The following CXXC4 variants were observed in gnomAD, a reference collection of about 807,000 sequenced individuals.
The protein encoded by CXXC4 is CXXC finger protein 4, also known as CXXC-type zinc finger protein 4.
Under a neutral mutation model 20.5 loss-of-function variants are expected in CXXC4, and 5 were observed. The observed-to-expected ratio is 0.24, with a 90% CI of 0.13 to 0.51. The LOEUF is 0.51. Ranked by LOEUF, CXXC4 falls within the 20% of genes least tolerant of loss-of-function variation. The pLI is 0.97. For missense variants in CXXC4, 419 were observed against 496.4 expected (o/e 0.84, Z 1.48); for synonymous variants, 250 against 216.4 (o/e 1.16, Z -1.36).
Position 104,468,421 on chromosome 4 carries a change from A to C in CXXC4, c.*3901T>G, listed in dbSNP as rs1440196975. 4.1e-5 allele frequency: 6 copies of C among 147,320 alleles called. No homozygotes were observed. In the Admixed American group the frequency reaches 4.1e-4, roughly 10 times the overall value. 9.1% of individuals were successfully genotyped at this position (147,320 alleles called of 1,614,324 possible). ...TTTTTTTTTTTTTACAGTTTTGTAC[A>C]TGCCCCATAAGTAATTTTCTTTAAT... On this transcript the variant is annotated 3_prime_UTR_variant, in exon 3 of 3. Coordinates refer to ENST00000394767, the MANE Select transcript of CXXC4 (RefSeq NM_025212.4).
chr4:104,486,098 G>C (rs1433346272), intron 2 of CXXC4, among the ~76,000 whole-genome samples: 1 of 152,034 alleles, frequency 6.6e-6, no homozygotes, highest in African/African-American at 2.4e-5. Context: ...ATTTACAAAT[G>C]AATTTTAATT....
rs968863958 is a variant in CXXC4, at chr4:104,491,393, G to T, written c.410C>A (p.Ser137Tyr). The change falls in exon 2 of 3, where the codon TCC (serine) becomes TAC (tyrosine). Residue 137 changes from serine to tyrosine, a missense_variant. By Grantham distance (144) the Ser-to-Tyr change is moderately radical (BLOSUM62 -2). This residue lies in a region of CXXC4 where 388 missense variants were observed against 416.0 expected (regional missense o/e 0.93). Coordinates refer to ENST00000394767, the MANE Select transcript of CXXC4 (RefSeq NM_025212.4). ...GGAGGAGGAGGCGGCGGCGGAGGAG[G>T]ATTTCCTGCCGCCCCCACCACCCCC... is the stretch of plus-strand genomic sequence containing the variant. ...GGGGGGGGRK[S>Y]SSAAASSSAS... 1.1e-5 allele frequency: 14 copies of T among 1,264,130 alleles called. No individual in the cohort carries two copies. The highest frequency in any genetic ancestry group is 1.2e-5 in the Non-Finnish European group (12 of 993,906). 78.3% of individuals were successfully genotyped at this position (1,264,130 alleles called of 1,614,324 possible).
chr4:104,472,415 T>C (rs1175318193), intron 2 of CXXC4, 49 bp from the exon 3 acceptor site: 2 of 1,411,162 alleles, frequency 1.4e-6, no homozygotes, highest in Non-Finnish European at 2.0e-6. Flanking sequence ...TCTATGCCAA[T>C]ATAAAATTAG....
At chr4:104,487,252 A>G (rs1471090357) in intron 2 of CXXC4, among the ~76,000 whole-genome samples, 1 of 152,170 alleles carries the variant, frequency 6.6e-6, no homozygotes, top group African/African-American at 2.4e-5. Context: ...GAGAGCCAAG[A>G]GTGGGGGAAG....
rs1736882037 is a variant in CXXC4, at chr4:104,491,629, T to C, written c.174A>G (p.Pro58=). The C allele has an allele frequency of 1.9e-6, 3 of 1,541,514 alleles. No individual in the cohort carries two copies. The highest frequency in any genetic ancestry group is 2.6e-6 in the Non-Finnish European group (3 of 1,143,206). ...TGATGCGCGCGATCTTGGCCGCCTG[T>C]GGGAAGGCGCCCCCGTTGGTCTTGT... ...SFYKTNGGAF[P]QAAKIARITT... The change falls in exon 2 of 3, where the codon CCA becomes CCG. Residue 58 remains proline, a synonymous_variant. Coordinates refer to ENST00000394767, the MANE Select transcript of CXXC4 (RefSeq NM_025212.4).
chr4:104,483,903 TG>T (rs910770882), intron 2 of CXXC4, among the ~76,000 whole-genome samples: 4 of 152,140 alleles, frequency 2.6e-5, no homozygotes, highest in African/African-American at 7.2e-5. Flanking sequence ...CTGACTTCAC[TG>T]GGTAATATGC....
intron 2 of CXXC4, among the ~76,000 whole-genome samples, chr4:104,483,620 TG>T (rs1456354549): frequency 3.3e-5 from 5 of 151,974 alleles, no homozygotes; most frequent in Non-Finnish European, 7.4e-5. Flanking sequence ...TTTCCAAATT[TG>T]TTAAATATGT....
At chr4:104,479,379 C>T (rs1224301989) in intron 2 of CXXC4, among the ~76,000 whole-genome samples, 1 of 152,042 alleles carries the variant, frequency 6.6e-6, no homozygotes, top group Admixed American at 6.6e-5. Flanking sequence ...ATCAATATGG[C>T]ATATCTCTTT....
At chr4:104,483,328 T>G (rs1397231379) in intron 2 of CXXC4, among the ~76,000 whole-genome samples, 1 of 152,026 alleles carries the variant, frequency 6.6e-6, no homozygotes, top group East Asian at 1.9e-4. Flanking sequence ...GTCAAAGTTC[T>G]TTCTATACAC....
At position 104,470,465 on chromosome 4, in the gene CXXC4, T is replaced by C. The variant is rs1342027319; in HGVS notation, c.*1857A>G. 1 of 152,152 alleles carries C rather than the reference T, an allele frequency of 6.6e-6. No homozygotes were observed. The highest frequency in any genetic ancestry group is 1.9e-4 in the East Asian group (1 of 5,172). 9.4% of individuals were successfully genotyped at this position (152,152 alleles called of 1,614,324 possible). ...CAAATTGGCATGTGTGCATGCTTTG[T>C]CCACCCTCCCCCAGTACTTTCACCA... On this transcript the variant is annotated 3_prime_UTR_variant, in exon 3 of 3. Transcript: ENST00000394767.
Position 104,483,713 on chromosome 4 carries a change from C to T in CXXC4, c.1059+7031G>A, listed in dbSNP as rs149322142. Among the ~76,000 whole-genome samples the T allele has an allele frequency of 2.5e-3, 382 of 151,862 alleles. 2 individuals carry two copies. The highest frequency in any genetic ancestry group is 8.8e-3 in the African/African-American group (367 of 41,492). The stretch of plus-strand genomic sequence containing the variant: ...AATTATTCTCTTGACCTCACAAATT[C>T]ACATTTAGAATATCTCTGTGTCTTG... On this transcript the variant is annotated intron_variant, in intron 2 of 2. Coordinates refer to ENST00000394767, the MANE Select transcript of CXXC4 (RefSeq NM_025212.4).
At chr4:104,475,669 A>G (rs1402244900) in intron 2 of CXXC4, among the ~76,000 whole-genome samples, 3 of 152,134 alleles carry the variant, frequency 2.0e-5, no homozygotes, top group Non-Finnish European at 4.4e-5. Flanking sequence ...CAGCACACCA[A>G]TGTGCGGGAT....
rs1165118148 is a variant in CXXC4 at position 104,482,023 on chromosome 4, T to TA, written c.1059+8720dup. ...TTTGACTGCAACTAAAAGTTATAAA[T>TA]ACATTTTACACAGCAACTCAGCACA... is the stretch of plus-strand genomic sequence containing the variant. On this transcript the variant is annotated intron_variant, in intron 2 of 2. Transcript: ENST00000394767. 2.6e-4 allele frequency among the ~76,000 whole-genome samples: 40 copies of TA among 152,336 alleles called. No individual in the cohort carries two copies. In the East Asian group the frequency reaches 7.7e-3, roughly 29 times the overall value.
chr4:104,472,279 C>T lies in CXXC4; in HGVS notation c.*43G>A, dbSNP rs776742962. The T allele has an allele frequency of 7.5e-7, 1 of 1,333,356 alleles. No individual in the cohort carries two copies. The highest frequency in any genetic ancestry group is 1.1e-6 in the Non-Finnish European group (1 of 949,522). 82.6% of individuals were successfully genotyped at this position (1,333,356 alleles called of 1,614,324 possible). ...TTTCTTAAAACAAGACATTAGTTTG[C>T]CCTTCATTTCCAAATGCCTTGAAAA... On this transcript the variant is annotated 3_prime_UTR_variant, in exon 3 of 3. Transcript: ENST00000394767.
chr4:104,490,551 T>G (rs1736818051), intron 2 of CXXC4, among the ~76,000 whole-genome samples, 193 bp downstream of exon 2: 1 of 152,202 alleles, frequency 6.6e-6, no homozygotes, highest in African/African-American at 2.4e-5. Context: ...AGAAGGGCGG[T>G]GTCACGTGAA....
intron 2 of CXXC4, among the ~76,000 whole-genome samples, chr4:104,476,022 C>T (rs1208754588): frequency 1.3e-5 from 2 of 152,090 alleles, no homozygotes. Context: ...GAATTCACCC[C>T]TACACAAACC....
intron 2 of CXXC4, among the ~76,000 whole-genome samples, chr4:104,476,237 G>A (rs531322287): frequency 2.0e-5 from 3 of 152,216 alleles, no homozygotes; most frequent in Admixed American, 2.0e-4. Context: ...AATCTGCAGT[G>A]ATGAAATAAT....
chr4:104,480,241 C>A (rs1211520765), intron 2 of CXXC4, among the ~76,000 whole-genome samples: 4 of 152,144 alleles, frequency 2.6e-5, no homozygotes, highest in African/African-American at 9.7e-5. Context: ...TAGCCACATT[C>A]AGATAGTCAA....
chr4:104,481,466 G>T (rs900466258), intron 2 of CXXC4, among the ~76,000 whole-genome samples: 2 of 151,884 alleles, frequency 1.3e-5, no homozygotes, highest in African/African-American at 4.8e-5. Context: ...GCAGGAAGTA[G>T]AGGTTGCAAT....
Sources: allele counts gnomAD v4.1 joint callset (sites outside exome capture counted in the v4.1 genomes callset), GRCh38; gene constraint gnomAD v4.1.1; regional missense constraint gnomAD v4.1.1; transcripts MANE v1.5; gene names NCBI Gene and HGNC (gene_info 2026-07-23, HGNC 2026-07-21).